Variants in APBA2 observed in about 807,000 individuals in gnomAD.
APBA2 encodes the protein amyloid-beta A4 precursor protein-binding family A member 2.
Under a neutral mutation model 75.0 loss-of-function variants are expected in APBA2, and 30 were observed. The ratio of observed to expected loss-of-function variants is 0.40; its 90% CI spans 0.30 to 0.54. The LOEUF is 0.54. Ranked by LOEUF, APBA2 falls within the 20% of genes least tolerant of loss-of-function variation. APBA2 has a pLI of 0.49. For missense variants in APBA2, 801 were observed against 1,016.1 expected (o/e 0.79, Z 2.88); for synonymous variants, 444 against 409.6 (o/e 1.08, Z -1.01).
intron 3 of APBA2, among the ~76,000 whole-genome samples, chr15:29,025,690 GCCTATAAT>G (rs201010631): frequency 0.025 from 3,800 of 151,992 alleles, 70 homozygotes; most frequent in South Asian, 0.036. Context: ...GGTGGCTCAC[GCCTATAAT>G]CCCAGCAATT....
chr15:29,112,695 T>C (rs1406196529), intron 13 of APBA2, among the ~76,000 whole-genome samples: 1 of 152,194 alleles, frequency 6.6e-6, no homozygotes, highest in Non-Finnish European at 1.5e-5. Context: ...ATAACTGTGG[T>C]AAAATATATC....
At chr15:28,958,202 A>G (rs1449752986) in intron 2 of APBA2, among the ~76,000 whole-genome samples, 2 of 152,244 alleles carry the variant, frequency 1.3e-5, no homozygotes, top group Non-Finnish European at 2.9e-5. Context: ...GGGACTTTCT[A>G]TGCTGTCCTT....
At chr15:28,960,323 G>A (rs116434509) in intron 2 of APBA2, among the ~76,000 whole-genome samples, 2,429 of 151,994 alleles carry the variant, frequency 0.016, 71 homozygotes, top group African/African-American at 0.056. Context: ...AATTAGCTGG[G>A]TGTGGTGGTG....
At chr15:29,110,472 C>T (rs994415013) in intron 13 of APBA2, among the ~76,000 whole-genome samples, 1 of 152,234 alleles carries the variant, frequency 6.6e-6, no homozygotes, top group Non-Finnish European at 1.5e-5. Context: ...ACAGCCCTGT[C>T]GCTGTGAGCC....
chr15:29,063,718 A>G (rs745860798), intron 4 of APBA2, among the ~76,000 whole-genome samples: 2 of 144,132 alleles, frequency 1.4e-5, no homozygotes, highest in Non-Finnish European at 3.0e-5. Context: ...GCAGATGATG[A>G]TGATGATGAT....
chr15:29,012,317 G>C (rs1443417113), intron 3 of APBA2, among the ~76,000 whole-genome samples: 1 of 152,180 alleles, frequency 6.6e-6, no homozygotes, highest in African/African-American at 2.4e-5. Flanking sequence ...TTGAAGAGTA[G>C]TGGTCAGGTA....
intron 1 of APBA2, among the ~76,000 whole-genome samples, chr15:28,919,668 CAGTG>C (rs973112847): frequency 4.6e-5 from 7 of 152,174 alleles, no homozygotes; most frequent in Non-Finnish European, 7.3e-5. Flanking sequence ...AGCGGGGACT[CAGTG>C]AGCATCCTGC....
intron 1 of APBA2, among the ~76,000 whole-genome samples, chr15:28,886,748 G>T (rs571005970): frequency 6.6e-6 from 1 of 152,254 alleles, no homozygotes; most frequent in South Asian, 2.1e-4. Flanking sequence ...CCAGATCTTC[G>T]CCCCCTTCCC....
In APBA2 at chr15:29,038,118, C is replaced by T. The variant is rs528768095; in HGVS notation, c.-40-15727C>T. The stretch of plus-strand genomic sequence containing the variant: ...GTTTTGCCCCCCAGGACTCTGTAAG[C>T]TCTAGCCAAGGCAGCTGGTGCTGTG... On this transcript the variant is annotated intron_variant, in intron 3 of 14. Coordinates refer to ENST00000683413, the MANE Select transcript of APBA2 (RefSeq NM_001353788.2). Among the ~76,000 whole-genome samples, 236 of 152,320 alleles carry T rather than the reference C, an allele frequency of 1.5e-3. 2 individuals are homozygous for T. The highest frequency in any genetic ancestry group is 6.8e-3 in the Middle Eastern group (2 of 294).
At chr15:29,036,233 T>A (rs554338843) in intron 3 of APBA2, among the ~76,000 whole-genome samples, 18 of 137,126 alleles carry the variant, frequency 1.3e-4, no homozygotes, top group African/African-American at 2.7e-4. Flanking sequence ...ATATATATAT[T>A]TTTTGTCTTA....
chr15:29,087,776 GCT>G (rs2043355935), intron 6 of APBA2, among the ~76,000 whole-genome samples: 1 of 152,102 alleles, frequency 6.6e-6, no homozygotes, highest in Non-Finnish European at 1.5e-5. Context: ...CAGGGGGCAG[GCT>G]CTCCTGCTGA....
intron 8 of APBA2, among the ~76,000 whole-genome samples, chr15:29,097,436 C>T (rs907235770): frequency 3.9e-5 from 6 of 152,198 alleles, no homozygotes; most frequent in Non-Finnish European, 7.3e-5. Flanking sequence ...ATGATGCGGC[C>T]GGTGGCGTGC....
chr15:28,889,595 T>G (rs2031992868), intron 1 of APBA2, among the ~76,000 whole-genome samples: 1 of 152,194 alleles, frequency 6.6e-6, no homozygotes. Context: ...CTGCCCTGGG[T>G]TGTCCCCACC....
At chr15:28,962,865 G>A (rs544940190) in intron 2 of APBA2, among the ~76,000 whole-genome samples, 1 of 152,264 alleles carries the variant, frequency 6.6e-6, no homozygotes, top group Admixed American at 6.5e-5. Flanking sequence ...CTTTAAATTG[G>A]TACTTTAACC....
chr15:29,066,270 G>A (rs2152912251), intron 4 of APBA2, among the ~76,000 whole-genome samples: 1 of 152,308 alleles, frequency 6.6e-6, no homozygotes, highest in East Asian at 1.9e-4. Flanking sequence ...AAGCAGTGGT[G>A]GGTCAGGGCT....
chr15:29,092,461 G>A (rs1361101595), intron 6 of APBA2, among the ~76,000 whole-genome samples: 8 of 152,192 alleles, frequency 5.3e-5, no homozygotes, highest in South Asian at 4.1e-4. Flanking sequence ...TGTGGGTAGC[G>A]GATCCTGTAT....
intron 2 of APBA2, among the ~76,000 whole-genome samples, chr15:28,986,602 G>T (rs967888590): frequency 1.3e-5 from 2 of 151,548 alleles, no homozygotes; most frequent in Non-Finnish European, 2.9e-5. Context: ...TAGTAGCTGG[G>T]ATTACAGGTG....
chr15:28,925,268 G>A (rs1176553054), intron 2 of APBA2, among the ~76,000 whole-genome samples: 1 of 152,178 alleles, frequency 6.6e-6, no homozygotes, highest in African/African-American at 2.4e-5. Flanking sequence ...AACGTTGTTA[G>A]ATTTGATTTG....
intron 3 of APBA2, among the ~76,000 whole-genome samples, chr15:29,045,537 C>G (rs1255841879): frequency 2.0e-5 from 3 of 152,090 alleles, no homozygotes; most frequent in African/African-American, 7.2e-5. Flanking sequence ...AACATTCAGT[C>G]TGTAGTGGTC....
Sources: gnomAD v4.1 joint callset for allele counts (sites outside exome capture counted in the v4.1 genomes callset) on GRCh38, gnomAD v4.1.1 for gene constraint, MANE v1.5 for transcripts, NCBI Gene and HGNC (gene_info 2026-07-23, HGNC 2026-07-21) for gene names.